MIPOL1: variants seen among roughly 807,000 people sequenced by gnomAD.
MIPOL1 encodes mirror-image polydactyly 1, also known as mirror-image polydactyly gene 1 protein.
Under a neutral mutation model 60.9 loss-of-function variants are expected in MIPOL1, and 57 were observed. That is an observed-to-expected ratio of 0.94 (90% CI 0.76 to 1.17). The LOEUF (loss-of-function observed/expected upper bound fraction) is 1.17. MIPOL1 is among the 50% of genes most tolerant of loss of function. The probability of loss-of-function intolerance (pLI) is 0.00; values close to 1 mark genes in which losing one functional copy is unlikely to be tolerated. For synonymous variants in MIPOL1, 179 were observed against 168.8 expected (o/e 1.06, Z -0.47); for missense variants, 551 against 511.6 (o/e 1.08, Z -0.74).
intron 9 of MIPOL1, among the ~76,000 whole-genome samples, chr14:37,356,754 C>G (rs960571433): frequency 6.0e-4 from 92 of 152,330 alleles, no homozygotes; most frequent in African/African-American, 2.0e-3. Context: ...CAATGCCTCG[C>G]CCTGCTTCGG....
rs551021936 is a variant in MIPOL1, at chr14:37,395,140, C to A, written c.936+25516C>A. On this transcript the variant is annotated intron_variant, in intron 10 of 12. Transcript: ENST00000684589. ...TAAGTGCCTGTTTTTATACCAGTACCATGCTGTTTTGGTGATGATAGCCTT... is the reference window on the plus strand; with the variant it reads ...TAAGTGCCTGTTTTTATACCAGTACAATGCTGTTTTGGTGATGATAGCCTT... Among the ~76,000 whole-genome samples, 11 of 152,224 alleles carry A rather than the reference C, an allele frequency of 7.2e-5. No homozygotes were observed. The South Asian group carries it at 2.1e-3, about 29-fold the overall frequency.
intron 6 of MIPOL1, among the ~76,000 whole-genome samples, chr14:37,270,927 C>T (rs1352535932): frequency 6.6e-6 from 1 of 152,010 alleles, no homozygotes; most frequent in Non-Finnish European, 1.5e-5. Flanking sequence ...TGAAGATAGT[C>T]ACATATTCAT....
intron 12 of MIPOL1, among the ~76,000 whole-genome samples, chr14:37,523,013 A>C (rs373949580): frequency 5.9e-5 from 9 of 152,102 alleles, no homozygotes; most frequent in African/African-American, 2.2e-4. Flanking sequence ...AAAAATAAAG[A>C]ACTTTAAAAT....
intron 7 of MIPOL1, among the ~76,000 whole-genome samples, chr14:37,293,129 T>G (rs1236343462): frequency 9.4e-6 from 1 of 106,760 alleles, no homozygotes; most frequent in Non-Finnish European, 2.1e-5. Flanking sequence ...ATAAGGCTTT[T>G]CTTCATGAAA....
intron 11 of MIPOL1, among the ~76,000 whole-genome samples, chr14:37,470,674 G>A (rs1052596039): frequency 1.3e-5 from 2 of 152,034 alleles, no homozygotes; most frequent in Admixed American, 1.3e-4. Context: ...ATAGTAACGT[G>A]ATAACAGACT....
intron 7 of MIPOL1, among the ~76,000 whole-genome samples, chr14:37,290,874 C>T (rs148513858): frequency 6.6e-6 from 1 of 152,194 alleles, no homozygotes; most frequent in East Asian, 1.9e-4. Context: ...ATGCCCCACG[C>T]TCCAGTAGGC....
chr14:37,254,330 G>C (rs1974575674), intron 3 of MIPOL1, among the ~76,000 whole-genome samples: 1 of 151,568 alleles, frequency 6.6e-6, no homozygotes. Flanking sequence ...TGTTTACAAG[G>C]GCAACTTAGT....
Position 37,369,563 on chromosome 14 carries a change from A to G in MIPOL1, c.875A>G (p.Gln292Arg). 1.2e-6 allele frequency: 2 copies of G among 1,613,644 alleles called. No homozygotes were observed. The highest frequency in any genetic ancestry group is 1.7e-6 in the Non-Finnish European group (2 of 1,179,664). The change falls in exon 10 of 13, where the codon CAG (glutamine) becomes CGG (arginine). Residue 292 changes from glutamine (Q) to arginine (R), a missense_variant. Transcript: ENST00000684589. ...CTTCATCATGTGAAAGAGCAGAACCAGACTTCAGCAAACAACATGAGACAT... is the reference window on the plus strand; with the variant it reads ...CTTCATCATGTGAAAGAGCAGAACCGGACTTCAGCAAACAACATGAGACAT... ...QELHHVKEQN[Q>R]TSANNMRHLT... is the part of the protein sequence containing the mutation.
intron 12 of MIPOL1, among the ~76,000 whole-genome samples, chr14:37,517,866 A>T (rs550194504): frequency 6.6e-6 from 1 of 152,300 alleles, no homozygotes; most frequent in Admixed American, 6.5e-5. Flanking sequence ...GTATATGGGA[A>T]AGAGATACAG....
At chr14:37,317,203 T>C (rs1319543419) in intron 9 of MIPOL1, among the ~76,000 whole-genome samples, 1 of 152,170 alleles carries the variant, frequency 6.6e-6, no homozygotes, top group African/African-American at 2.4e-5. Flanking sequence ...GCAGTGTCAT[T>C]ATTAAAATGT....
intron 6 of MIPOL1, among the ~76,000 whole-genome samples, chr14:37,279,302 AAG>A (rs1335275199): frequency 6.6e-6 from 1 of 150,732 alleles, no homozygotes; most frequent in African/African-American, 2.4e-5. Flanking sequence ...AATAAAAAGA[AAG>A]AAGCATGCGT....
intron 6 of MIPOL1, among the ~76,000 whole-genome samples, chr14:37,279,726 A>G (rs2083951267): frequency 6.6e-6 from 1 of 152,132 alleles, no homozygotes; most frequent in Non-Finnish European, 1.5e-5. Context: ...ATGTACATAC[A>G]TTGTGAAATG....
chr14:37,213,483 T>A (rs1967057937), intron 1 of MIPOL1, among the ~76,000 whole-genome samples: 2 of 152,088 alleles, frequency 1.3e-5, no homozygotes, highest in African/African-American at 4.8e-5. Context: ...AGAAAGTTAG[T>A]GATCTTGAAG....
chr14:37,200,473 T>C (rs774539377), intron 1 of MIPOL1, among the ~76,000 whole-genome samples: 11 of 152,194 alleles, frequency 7.2e-5, no homozygotes, highest in Non-Finnish European at 1.6e-4. Flanking sequence ...GGAAAACTTT[T>C]ATAAGGTGTT....
chr14:37,339,269 C>A (rs1172409130), intron 9 of MIPOL1, among the ~76,000 whole-genome samples: 1 of 152,188 alleles, frequency 6.6e-6, no homozygotes, highest in Non-Finnish European at 1.5e-5. Flanking sequence ...ACATCACATG[C>A]ACTATGGTGT....
At chr14:37,288,418 C>T (rs2084772642) in intron 7 of MIPOL1, among the ~76,000 whole-genome samples, 2 of 152,086 alleles carry the variant, frequency 1.3e-5, no homozygotes, top group African/African-American at 4.8e-5. Flanking sequence ...ATTGGCTATA[C>T]ATTGTTAAGC....
At chr14:37,336,180 A>C (rs2090100389) in intron 9 of MIPOL1, among the ~76,000 whole-genome samples, 1 of 144,918 alleles carries the variant, frequency 6.9e-6, no homozygotes, top group Non-Finnish European at 1.5e-5. Flanking sequence ...TCCTTTCCTC[A>C]TTAAACGGTT....
intron 7 of MIPOL1, among the ~76,000 whole-genome samples, chr14:37,285,915 T>G (rs2084524702): frequency 6.6e-6 from 1 of 152,142 alleles, no homozygotes; most frequent in Admixed American, 6.5e-5. Flanking sequence ...TCTAAAACCT[T>G]TGGCATGCTA....
intron 11 of MIPOL1, among the ~76,000 whole-genome samples, chr14:37,489,368 C>A (rs1444591243): frequency 1.3e-5 from 2 of 152,070 alleles, no homozygotes; most frequent in Non-Finnish European, 2.9e-5. Flanking sequence ...TTTCAAGGTT[C>A]TTAGCTTCCT....
Sources: allele counts gnomAD v4.1 joint callset (sites outside exome capture counted in the v4.1 genomes callset), GRCh38; gene constraint gnomAD v4.1.1; transcripts MANE v1.5; gene names NCBI Gene and HGNC (gene_info 2026-07-23, HGNC 2026-07-21).